The following CRYZ variants were observed in gnomAD, a reference collection of about 807,000 sequenced individuals.
CRYZ encodes zeta-crystallin.
In CRYZ, 35 loss-of-function variants were observed where a neutral mutation model predicts 34.1. The ratio of observed to expected loss-of-function variants is 1.03; its 90% CI spans 0.78 to 1.36. The LOEUF (loss-of-function observed/expected upper bound fraction) is 1.36. Among genes scored for constraint, CRYZ ranks in the 40% most tolerant of loss-of-function variants. CRYZ has a pLI of 0.00. For synonymous variants in CRYZ, 137 were observed against 136.5 expected, an observed-to-expected ratio of 1.00 and a Z score of -0.03; for missense variants, 403 against 391.8, an observed-to-expected ratio of 1.03 and a Z score of -0.24.
At chr1:74,711,054 T>G (rs189054441) in intron 5 of CRYZ, among the ~76,000 whole-genome samples, 1 of 152,100 alleles carries the variant, frequency 6.6e-6, no homozygotes, top group East Asian at 1.9e-4. Flanking sequence ...GCTGTGGGCA[T>G]AGTGAATGGC....
chr1:74,718,749 CAGAGGGTCTGGGGTAGGGCCCAAT>C (rs144604060), intron 4 of CRYZ, among the ~76,000 whole-genome samples: 4,718 of 152,096 alleles, frequency 0.031, 257 homozygotes, highest in African/African-American at 0.11. Context: ...GGAAACTGAC[CAGAGGGTCTGGGGTAGGGCCCAAT>C]AGTGTACTAT....
chr1:74,729,255 T>C (rs903651103), intron 1 of CRYZ, among the ~76,000 whole-genome samples: 2 of 151,944 alleles, frequency 1.3e-5, no homozygotes, highest in Non-Finnish European at 2.9e-5. Context: ...AGTCAACCTC[T>C]TGATGCTGTT....
At chr1:74,709,579 C>G (rs868809988) in intron 6 of CRYZ, among the ~76,000 whole-genome samples, 1 of 152,194 alleles carries the variant, frequency 6.6e-6, no homozygotes, top group Non-Finnish European at 1.5e-5. Context: ...AAGTGAAGAA[C>G]TTCAGAATCT....
intron 5 of CRYZ, among the ~76,000 whole-genome samples, chr1:74,712,676 C>T (rs7522428): frequency 0.77 from 117,597 of 152,104 alleles, 45,644 homozygotes; most frequent in African/African-American, 0.83. Flanking sequence ...TAAAACACAA[C>T]CCACTATGGG....
chr1:74,725,522 G>GT (rs1647289447), intron 1 of CRYZ, among the ~76,000 whole-genome samples: 1 of 149,940 alleles, frequency 6.7e-6, no homozygotes, highest in Non-Finnish European at 1.5e-5. Context: ...CTCCCACCAG[G>GT]TCCCTCCCAT....
chr1:74,731,833 T>G (rs906349410), intron 1 of CRYZ, among the ~76,000 whole-genome samples: 2 of 152,228 alleles, frequency 1.3e-5, no homozygotes, highest in Admixed American at 6.5e-5. Context: ...CCTTCCCTGG[T>G]CACTGAGTCT....
intron 1 of CRYZ, among the ~76,000 whole-genome samples, chr1:74,732,333 C>G (rs1478596669): frequency 7.0e-6 from 1 of 143,360 alleles, no homozygotes; most frequent in Non-Finnish European, 1.5e-5. Flanking sequence ...AGGAGAAATC[C>G]CCTACAGCTG....
intron 1 of CRYZ, among the ~76,000 whole-genome samples, chr1:74,729,478 CAA>C (rs5775262): frequency 3.2e-5 from 4 of 123,938 alleles, no homozygotes; most frequent in African/African-American, 6.3e-5. Flanking sequence ...GCCATCTCTA[CAA>C]AAAAAAAAAA....
At chr1:74,715,509 T>A (rs1647059407) in intron 4 of CRYZ, among the ~76,000 whole-genome samples, 1 of 152,162 alleles carries the variant, frequency 6.6e-6, no homozygotes, top group South Asian at 2.1e-4. Context: ...AAGAGAACAG[T>A]AACCAGAGTC....
intron 5 of CRYZ, among the ~76,000 whole-genome samples, chr1:74,714,147 TCA>T (rs995153455): frequency 2.8e-4 from 42 of 152,034 alleles, no homozygotes; most frequent in African/African-American, 9.9e-4. Flanking sequence ...GACTAAGAAT[TCA>T]CAGTGTGGCT....
At chr1:74,715,907 T>C (rs1212215112) in intron 4 of CRYZ, among the ~76,000 whole-genome samples, 1 of 145,108 alleles carries the variant, frequency 6.9e-6, no homozygotes, top group East Asian at 2.0e-4. Context: ...ACAGAAACAG[T>C]GTTTTTTTTT....
chr1:74,727,848 A>G (rs186237698), intron 1 of CRYZ, among the ~76,000 whole-genome samples: 158 of 152,244 alleles, frequency 1.0e-3, no homozygotes, highest in Non-Finnish European at 7.5e-4. Context: ...AAATCTTAAC[A>G]TTTAAAAAAC....
At chr1:74,728,257 T>C (rs1647490935) in intron 1 of CRYZ, among the ~76,000 whole-genome samples, 1 of 152,198 alleles carries the variant, frequency 6.6e-6, no homozygotes, top group African/African-American at 2.4e-5. Flanking sequence ...CTTTTATAAA[T>C]TACAAGGTCA....
At chr1:74,729,116 A>G (rs930228560) in intron 1 of CRYZ, among the ~76,000 whole-genome samples, 1 of 139,272 alleles carries the variant, frequency 7.2e-6, no homozygotes, top group Non-Finnish European at 1.5e-5. Context: ...ATAAGAACAT[A>G]GAGGTTGTTT....
chr1:74,707,317 A>C, intron 6 of CRYZ, 113 bp from the exon 7 acceptor site: 1 of 635,510 alleles, frequency 1.6e-6, no homozygotes, highest in Non-Finnish European at 2.7e-6. Flanking sequence ...TAAATGCTAC[A>C]TCTTTGAGAC....
chr1:74,707,335 G>A, intron 6 of CRYZ, 131 bp from the exon 7 acceptor site: 1 of 579,880 alleles, frequency 1.7e-6, no homozygotes, highest in Non-Finnish European at 3.0e-6. Flanking sequence ...GACTAATAAT[G>A]CAAAATTTTA....
intron 3 of CRYZ, among the ~76,000 whole-genome samples, chr1:74,722,425 A>G (rs1175913081): frequency 1.3e-5 from 2 of 152,132 alleles, no homozygotes; most frequent in Non-Finnish European, 2.9e-5. Flanking sequence ...AGGTTGCCAC[A>G]AGCTGAGGGG....
intron 1 of CRYZ, among the ~76,000 whole-genome samples, chr1:74,732,402 G>A (rs1458169141): frequency 2.0e-5 from 3 of 149,932 alleles, no homozygotes; most frequent in Non-Finnish European, 3.0e-5. Flanking sequence ...CCTACAGCTG[G>A]GCTGTGCGAA....
intron 1 of CRYZ, among the ~76,000 whole-genome samples, chr1:74,726,184 G>A (rs527939392): frequency 6.3e-4 from 96 of 152,310 alleles, no homozygotes; most frequent in African/African-American, 1.3e-3. Context: ...GGGACTCTGC[G>A]TGGGGGCTCC....
Sources: gnomAD v4.1 joint callset for allele counts (sites outside exome capture counted in the v4.1 genomes callset) on GRCh38, gnomAD v4.1.1 for gene constraint, MANE v1.5 for transcripts, NCBI Gene and HGNC (gene_info 2026-07-23, HGNC 2026-07-21) for gene names.